The following CALN1 variants were observed in gnomAD, a reference collection of about 807,000 sequenced individuals.
The protein encoded by CALN1 is calneuron 1.
Under a neutral mutation model 30.6 loss-of-function variants are expected in CALN1, and 17 were observed. The ratio of observed to expected loss-of-function variants is 0.56; its 90% CI spans 0.38 to 0.83. The LOEUF is 0.83. Among genes scored for constraint, CALN1 ranks in the 40% least tolerant of loss-of-function variants. CALN1 has a pLI of 0.00. For synonymous variants in CALN1, 156 were observed against 131.4 expected (o/e 1.19, Z -1.28); for missense variants, 291 against 354.9 (o/e 0.82, Z 1.45).
intron 2 of CALN1, among the ~76,000 whole-genome samples, chr7:72,288,927 G>A (rs995872918): frequency 1.4e-4 from 21 of 152,006 alleles, no homozygotes; most frequent in African/African-American, 4.1e-4. Flanking sequence ...CTCATCATTG[G>A]TTCTTGCAGG....
At chr7:72,215,012 T>C (rs1007507410) in intron 3 of CALN1, among the ~76,000 whole-genome samples, 2 of 152,030 alleles carry the variant, frequency 1.3e-5, no homozygotes, top group Non-Finnish European at 2.9e-5. Flanking sequence ...TATTTCATTA[T>C]ATTAACAATG....
intron 1 of CALN1, among the ~76,000 whole-genome samples, chr7:72,437,345 C>T (rs1808192949): frequency 6.6e-6 from 1 of 152,144 alleles, no homozygotes; most frequent in Non-Finnish European, 1.5e-5. Flanking sequence ...CATTCTGGGA[C>T]TGATGGCTGA....
At chr7:71,973,087 A>G (rs1433012070) in intron 5 of CALN1, among the ~76,000 whole-genome samples, 2 of 152,156 alleles carry the variant, frequency 1.3e-5, no homozygotes, top group African/African-American at 4.8e-5. Context: ...ATTAACAGCA[A>G]CATAAGTAGG....
intron 5 of CALN1, among the ~76,000 whole-genome samples, chr7:71,969,277 C>T (rs1326101749): frequency 6.6e-6 from 1 of 152,062 alleles, no homozygotes; most frequent in Non-Finnish European, 1.5e-5. Flanking sequence ...TCTTAGCAAG[C>T]AGGGCACTGG....
rs377110167 is a variant in CALN1, at chr7:72,008,657, A to ATT, written c.501+14998_501+14999dup. Among the ~76,000 whole-genome samples, 401 of 139,288 alleles carry ATT rather than the reference A, an allele frequency of 2.9e-3. 2 individuals are homozygous for ATT. Among genetic ancestry groups the ATT allele is most frequent in the African/African-American group, 7.6e-3 (285 of 37,626 alleles). 91.4% of individuals were successfully genotyped at this position (139,288 alleles called of 152,430 possible). A position where few individuals can be genotyped will look rare whatever the true frequency, so the allele number is the denominator to read the frequency against. Reference sequence around the variant, plus strand: ...AAACCATGGTATGAGAAGACTTTCAATTTTTTTTTTTTTTTTTTGAGACAG... The same window carrying ATT: ...AAACCATGGTATGAGAAGACTTTCAATTTTTTTTTTTTTTTTTTTTGAGACAG... On this transcript the variant is annotated intron_variant, in intron 5 of 6. Transcript: ENST00000395275.
At chr7:71,975,677 A>G (rs114242461) in intron 5 of CALN1, among the ~76,000 whole-genome samples, 8,119 of 151,742 alleles carry the variant, frequency 0.054, 515 homozygotes, top group African/African-American at 0.16. Flanking sequence ...TGATCCTCTT[A>G]CCTCAGCTTC....
chr7:72,299,311 A>G (rs551088731), intron 2 of CALN1, among the ~76,000 whole-genome samples: 11 of 152,350 alleles, frequency 7.2e-5, no homozygotes, highest in Non-Finnish European at 1.3e-4. Flanking sequence ...TATGTCCACT[A>G]TTAAATAACA....
chr7:72,186,144 C>CA (rs1442784688), intron 3 of CALN1, among the ~76,000 whole-genome samples: 1 of 152,252 alleles, frequency 6.6e-6, no homozygotes. Flanking sequence ...CAGGAAAAGG[C>CA]AAGGAAAGGA....
rs543915045 is a variant in CALN1 at position 71,868,115 on chromosome 7, T to C, written c.502-57623A>G. Among the ~76,000 whole-genome samples the C allele has an allele frequency of 9.8e-5, 15 of 152,292 alleles. No homozygotes were observed. The South Asian group carries it at 2.7e-3, about 27-fold the overall frequency. On this transcript the variant is annotated intron_variant, in intron 5 of 6. Coordinates refer to ENST00000395275, the MANE Select transcript of CALN1 (RefSeq NM_031468.4). ...TTTATGCTTACAAAATCTATCCCCA[T>C]CCTAGAATCAGTATAATTCGGAAGA...
Position 71,900,266 on chromosome 7 carries a change from T to C in CALN1, c.502-89774A>G, listed in dbSNP as rs896042990. ...AAATGGCTAATTTAAGACAAAGATG[T>C]CCATTTTCACCACTCCTATTCAAGA... On this transcript the variant is annotated intron_variant, in intron 5 of 6. Transcript: ENST00000395275. Among the ~76,000 whole-genome samples, 8 of 152,140 alleles carry C rather than the reference T, an allele frequency of 5.3e-5. 1 individual carries two copies. Among genetic ancestry groups the C allele is most frequent in the Non-Finnish European group, 4.4e-5 (3 of 68,024 alleles).
chr7:71,832,372 C>T (rs181832290), intron 5 of CALN1, among the ~76,000 whole-genome samples: 1 of 152,264 alleles, frequency 6.6e-6, no homozygotes, highest in African/African-American at 2.4e-5. Flanking sequence ...GGAAAAGAGT[C>T]AAACAGCAAC....
chr7:72,348,580 A>T (rs928337127), intron 2 of CALN1, among the ~76,000 whole-genome samples: 2 of 152,234 alleles, frequency 1.3e-5, no homozygotes, highest in Non-Finnish European at 2.9e-5. Context: ...GTTAGTGGAG[A>T]GTTGTTAAGT....
At chr7:72,319,078 C>T (rs577416901) in intron 2 of CALN1, among the ~76,000 whole-genome samples, 1 of 152,252 alleles carries the variant, frequency 6.6e-6, no homozygotes, top group South Asian at 2.1e-4. Context: ...AAGAGATCTG[C>T]ACCCATATGT....
At chr7:71,971,456 C>CA (rs1369287358) in intron 5 of CALN1, among the ~76,000 whole-genome samples, 1 of 151,746 alleles carries the variant, frequency 6.6e-6, no homozygotes, top group African/African-American at 2.4e-5. Context: ...GCCTCAAAAA[C>CA]AAACAAACAA....
chr7:72,248,335 G>A (rs2129551854), intron 3 of CALN1, among the ~76,000 whole-genome samples: 1 of 152,224 alleles, frequency 6.6e-6, no homozygotes, highest in South Asian at 2.1e-4. Context: ...GGCTGGTCTA[G>A]AACTCCACCC....
chr7:71,975,287 A>C (rs999897326), intron 5 of CALN1, among the ~76,000 whole-genome samples: 5 of 152,144 alleles, frequency 3.3e-5, no homozygotes, highest in Non-Finnish European at 7.4e-5. Flanking sequence ...CATAAAAAAC[A>C]ATAAAGTTTA....
the CALN1 span, among the ~76,000 whole-genome samples, chr7:72,500,118 G>A: frequency 1.8e-4 from 27 of 148,770 alleles, no homozygotes; most frequent in African/African-American, 6.5e-4. Flanking sequence ...CACCATGTTG[G>A]CCAGACTGAT....
At chr7:72,086,973 G>A (rs923661595) in intron 4 of CALN1, among the ~76,000 whole-genome samples, 4 of 151,954 alleles carry the variant, frequency 2.6e-5, no homozygotes, top group Non-Finnish European at 5.9e-5. Context: ...TATCTCAATA[G>A]ACGTCAAAAA....
chr7:71,975,427 T>G (rs1360393884), intron 5 of CALN1, among the ~76,000 whole-genome samples: 1 of 152,112 alleles, frequency 6.6e-6, no homozygotes, highest in Non-Finnish European at 1.5e-5. Flanking sequence ...CTTTCATTTT[T>G]ATTTTTATAT....
Sources: allele counts gnomAD v4.1 joint callset (sites outside exome capture counted in the v4.1 genomes callset), GRCh38; gene constraint gnomAD v4.1.1; transcripts MANE v1.5; gene names NCBI Gene and HGNC (gene_info 2026-07-23, HGNC 2026-07-21).